TCF3: variants seen among roughly 807,000 people sequenced by gnomAD.
The protein encoded by TCF3 is transcription factor 3, also known as transcription factor E2-alpha.
TCF3 carries 54 observed loss-of-function variants against 72.3 expected under a neutral mutation model. The ratio of observed to expected loss-of-function variants is 0.75; its 90% confidence interval spans 0.60 to 0.94. TCF3 has a LOEUF of 0.94. Among genes scored for constraint, TCF3 ranks in the 40% least tolerant of loss-of-function variants. The pLI, the probability that TCF3 is intolerant of heterozygous loss-of-function variation, is 0.00. For missense variants in TCF3, 1,078 were observed against 934.4 expected, an observed-to-expected ratio of 1.15 and a Z score of -2.00; for synonymous variants, 525 against 412.6, an observed-to-expected ratio of 1.27 and a Z score of -3.30.
chr19:1,630,173 T>A (rs1481587408), intron 5 of TCF3, among the ~76,000 whole-genome samples: 2 of 152,016 alleles, frequency 1.3e-5, no homozygotes, highest in African/African-American at 4.8e-5. Context: ...CCTGGGGCCA[T>A]CGGGGGTATG....
At chr19:1,636,709 C>T (rs1012748895) in intron 3 of TCF3, among the ~76,000 whole-genome samples, 2 of 152,144 alleles carry the variant, frequency 1.3e-5, no homozygotes, top group African/African-American at 2.4e-5. Flanking sequence ...GGTCAGGGCC[C>T]GCAGGCTGTG....
chr19:1,646,565 C>A, intron 2 of TCF3, 138 bp from the exon 3 acceptor site: 2 of 713,340 alleles, frequency 2.8e-6, no homozygotes, highest in Non-Finnish European at 4.7e-6. Context: ...CCCGGCCCGT[C>A]CTGCTCCGCC....
chr19:1,629,557 T>G (rs1045548580), intron 5 of TCF3, among the ~76,000 whole-genome samples: 1 of 151,870 alleles, frequency 6.6e-6, no homozygotes, highest in South Asian at 2.1e-4. Context: ...ATGGAGGGCC[T>G]GGGCTACGGA....
At chr19:1,616,808 G>A (rs955232371) in intron 16 of TCF3, among the ~76,000 whole-genome samples, 15 of 152,236 alleles carry the variant, frequency 9.9e-5, no homozygotes, top group South Asian at 2.1e-4. Context: ...AAATCAGTAA[G>A]CTGGACTATA....
chr19:1,627,277 G>A lies in TCF3; in HGVS notation c.366+82C>T, dbSNP rs1024413638. The A allele has an allele frequency of 5.6e-5, 69 of 1,241,850 alleles. No individual in the cohort carries two copies. The East Asian group carries it at 2.1e-3, about 37-fold the overall frequency. The allele number at this position is 1,241,850 out of a possible 1,614,324, so 76.9% of individuals were successfully genotyped here. A position where few individuals can be genotyped will look rare whatever the true frequency, so the allele number is the denominator to read the frequency against. ...AGCAAACATAACCTAGCTAAGCCAG[G>A]AGAGCTTCTGCAGATCAGAGAGGGT... On this transcript the variant is annotated intron_variant, in intron 6 of 18. Transcript: ENST00000262965.
At chr19:1,646,487 C>A in intron 2 of TCF3, 60 bp from the exon 3 acceptor site, 1 of 1,482,110 alleles carries the variant, frequency 6.7e-7, no homozygotes, top group Non-Finnish European at 9.2e-7. Flanking sequence ...CCTACAGTCC[C>A]GGGTTCAAAC....
chr19:1,620,109 G>A (rs1409866047), intron 13 of TCF3, among the ~76,000 whole-genome samples: 1 of 152,158 alleles, frequency 6.6e-6, no homozygotes, highest in Non-Finnish European at 1.5e-5. Flanking sequence ...TCCCCACTCA[G>A]AGGATAAAGT....
intron 3 of TCF3, among the ~76,000 whole-genome samples, chr19:1,644,861 G>C (rs1306062002): frequency 1.3e-5 from 2 of 152,070 alleles, no homozygotes; most frequent in African/African-American, 2.4e-5. Context: ...AGGAGAATGG[G>C]GGTGGACGGC....
At chr19:1,647,162 TCCCG>T (rs370387280) in intron 2 of TCF3, among the ~76,000 whole-genome samples, 22 of 144,392 alleles carry the variant, frequency 1.5e-4, no homozygotes, top group African/African-American at 5.2e-4. Flanking sequence ...CCACCCTCCC[TCCCG>T]CCCGGCTCAC....
At chr19:1,611,888 AG>A in intron 18 of TCF3, 39 bp from the exon 19 acceptor site, 6 of 1,278,532 alleles carry the variant, frequency 4.7e-6, no homozygotes, top group Non-Finnish European at 5.0e-6. Context: ...AGACGGTCCC[AG>A]GGAGGAGAAA....
At chr19:1,612,168 G>A (rs2061069850) in intron 18 of TCF3, 5 of 1,531,712 alleles carry the variant, frequency 3.3e-6, no homozygotes, top group African/African-American at 1.4e-5. Flanking sequence ...GTGTGGGGAA[G>A]GGAGAGGGTG....
At chr19:1,634,008 T>A (rs1177694137) in intron 3 of TCF3, among the ~76,000 whole-genome samples, 1 of 152,174 alleles carries the variant, frequency 6.6e-6, no homozygotes, top group Non-Finnish European at 1.5e-5. Flanking sequence ...ACCCCAGCCC[T>A]CATCCCCTGG....
At chr19:1,624,494 G>A (rs535788541) in intron 7 of TCF3, among the ~76,000 whole-genome samples, 3 of 152,194 alleles carry the variant, frequency 2.0e-5, no homozygotes, top group East Asian at 1.9e-4. Flanking sequence ...CTCCCGCGAC[G>A]CGCAGTTTGG....
At chr19:1,647,707 A>G (rs1429591840) in intron 2 of TCF3, among the ~76,000 whole-genome samples, 1 of 152,196 alleles carries the variant, frequency 6.6e-6, no homozygotes, top group Non-Finnish European at 1.5e-5. Flanking sequence ...GGGACAGCCA[A>G]CTGCATTTCT....
intron 3 of TCF3, among the ~76,000 whole-genome samples, chr19:1,636,820 G>T (rs529638331): frequency 7.9e-5 from 12 of 152,214 alleles, no homozygotes; most frequent in South Asian, 2.1e-4. Flanking sequence ...ACGAGATCCC[G>T]CAAAGCCTCC....
chr19:1,631,903 C>T (rs1256062435), intron 5 of TCF3, 135 bp downstream of exon 5: 10 of 1,531,882 alleles, frequency 6.5e-6, no homozygotes, highest in Non-Finnish European at 7.9e-6. Flanking sequence ...CCAGGACGGG[C>T]AGAGGCTTCG....
intron 16 of TCF3, among the ~76,000 whole-genome samples, chr19:1,617,333 C>G (rs1021421110): frequency 1.3e-5 from 2 of 152,224 alleles, no homozygotes; most frequent in African/African-American, 4.8e-5. Flanking sequence ...CCGCTCACAC[C>G]ACACATGTAC....
chr19:1,648,621 G>A (rs1024487167), intron 2 of TCF3, among the ~76,000 whole-genome samples: 8 of 152,264 alleles, frequency 5.3e-5, no homozygotes, highest in African/African-American at 1.9e-4. Flanking sequence ...AAAAATACCA[G>A]CATGGCCCTT....
intron 3 of TCF3, among the ~76,000 whole-genome samples, chr19:1,644,912 C>G (rs2065857045): frequency 6.6e-6 from 1 of 152,098 alleles, no homozygotes; most frequent in Admixed American, 6.5e-5. Context: ...CCCCCAGGGC[C>G]TGACCCTCTG....
Sources: gnomAD v4.1 joint callset for allele counts (sites outside exome capture counted in the v4.1 genomes callset) on GRCh38, gnomAD v4.1.1 for gene constraint, MANE v1.5 for transcripts, NCBI Gene and HGNC (gene_info 2026-07-23, HGNC 2026-07-21) for gene names.